The following SLC7A1 variants were observed in gnomAD, a reference collection of about 807,000 sequenced individuals.
SLC7A1 encodes the protein high affinity cationic amino acid transporter 1.
A neutral mutation model predicts 53.9 loss-of-function variants in SLC7A1; 10 were observed. The ratio of observed to expected loss-of-function variants is 0.19; its 90% CI spans 0.11 to 0.31. The LOEUF is 0.31. Ranked by LOEUF, SLC7A1 falls within the 10% of genes least tolerant of loss-of-function variation. The probability of loss-of-function intolerance (pLI) is 1.00; values close to 1 mark genes in which losing one functional copy is unlikely to be tolerated. For synonymous variants in SLC7A1, 342 were observed against 338.7 expected (o/e 1.01, Z -0.11); for missense variants, 525 against 827.2 (o/e 0.63, Z 4.48).
At chr13:29,551,557 G>A (rs781294155) in intron 2 of SLC7A1, among the ~76,000 whole-genome samples, 17 of 152,140 alleles carry the variant, frequency 1.1e-4, no homozygotes, top group African/African-American at 2.2e-4. Flanking sequence ...CCCAAGAAGC[G>A]GAAGACTCTG....
rs1872281217 is a variant in SLC7A1, at chr13:29,595,579, G to A, written c.-278C>T. The A allele has an allele frequency of 6.7e-6, 1 of 149,806 alleles. No homozygotes were observed. The highest frequency in any genetic ancestry group is 2.5e-5 in the African/African-American group (1 of 40,664). The allele number at this position is 149,806 out of a possible 1,614,324, so 9.3% of individuals were successfully genotyped here. On this transcript the variant is annotated 5_prime_UTR_variant, in exon 1 of 13. Coordinates refer to ENST00000380752, the MANE Select transcript of SLC7A1 (RefSeq NM_003045.5). ...GAGGCTGCGGTTAGCGGGAGCCCGCGGCCGCGTGCGCGCCTGCCAGGTAGT... is the reference window on the plus strand; with the variant it reads ...GAGGCTGCGGTTAGCGGGAGCCCGCAGCCGCGTGCGCGCCTGCCAGGTAGT...
At position 29,512,714 on chromosome 13, in the gene SLC7A1, T is replaced by C. The variant is rs1883428946; in HGVS notation, c.*1766A>G. ...TGGAAATCGGAGCTCTGGGCTCTTA[T>C]GATGCTCCCTCTGGAACATTCAAAA... On this transcript the variant is annotated 3_prime_UTR_variant, in exon 13 of 13. Transcript: ENST00000380752. The C allele has an allele frequency of 6.6e-6, 1 of 152,238 alleles. No homozygotes were observed. Among genetic ancestry groups the C allele is most frequent in the South Asian group, 2.1e-4 (1 of 4,830 alleles). 9.4% of individuals were successfully genotyped at this position (152,238 alleles called of 1,614,324 possible).
chr13:29,551,301 G>C (rs183469584), intron 2 of SLC7A1, among the ~76,000 whole-genome samples: 1 of 152,330 alleles, frequency 6.6e-6, no homozygotes, highest in East Asian at 1.9e-4. Flanking sequence ...GCAGGGAACA[G>C]AACAGAAGAG....
intron 1 of SLC7A1, among the ~76,000 whole-genome samples, chr13:29,579,266 T>C (rs1297879616): frequency 6.6e-6 from 1 of 152,010 alleles, no homozygotes; most frequent in Non-Finnish European, 1.5e-5. Flanking sequence ...CATTCCAAAC[T>C]CCACCTGAGG....
chr13:29,530,461 C>T, intron 5 of SLC7A1, 77 bp downstream of exon 5: 2 of 1,314,748 alleles, frequency 1.5e-6, no homozygotes, highest in Non-Finnish European at 2.2e-6. Flanking sequence ...CACATGCCAT[C>T]CTAGCCAGTT....
At chr13:29,550,669 GAC>G (rs1420334293) in intron 2 of SLC7A1, among the ~76,000 whole-genome samples, 1 of 152,168 alleles carries the variant, frequency 6.6e-6, no homozygotes, top group Non-Finnish European at 1.5e-5. Flanking sequence ...TGTGGAAGAG[GAC>G]ACTTCTCCAG....
intron 1 of SLC7A1, among the ~76,000 whole-genome samples, chr13:29,579,769 G>A (rs570147072): frequency 2.0e-5 from 3 of 152,180 alleles, no homozygotes; most frequent in South Asian, 2.1e-4. Context: ...CCTCTGATGG[G>A]GCACAAACCT....
At chr13:29,566,115 G>A (rs928815247) in intron 1 of SLC7A1, among the ~76,000 whole-genome samples, 7 of 152,210 alleles carry the variant, frequency 4.6e-5, no homozygotes, top group Admixed American at 2.0e-4. Context: ...TGTAGTTAAT[G>A]TGATTGAACT....
At chr13:29,520,722 TC>T (rs1380173838) in intron 8 of SLC7A1, among the ~76,000 whole-genome samples, 1 of 152,146 alleles carries the variant, frequency 6.6e-6, no homozygotes, top group Non-Finnish European at 1.5e-5. Context: ...CTCAAGCCCC[TC>T]TAGATCACTG....
At chr13:29,572,037 A>G (rs1871216698) in intron 1 of SLC7A1, among the ~76,000 whole-genome samples, 1 of 152,254 alleles carries the variant, frequency 6.6e-6, no homozygotes, top group Non-Finnish European at 1.5e-5. Flanking sequence ...TCAAAGTGAA[A>G]TGTCACAAGG....
At chr13:29,592,672 A>G (rs759891726) in intron 1 of SLC7A1, among the ~76,000 whole-genome samples, 28 of 152,208 alleles carry the variant, frequency 1.8e-4, no homozygotes, top group Non-Finnish European at 3.5e-4. Flanking sequence ...CAAAACAGAA[A>G]GGGAGGCCAC....
At chr13:29,516,096 G>C in intron 12 of SLC7A1, 42 bp downstream of exon 12, 1 of 1,272,752 alleles carries the variant, frequency 7.9e-7, no homozygotes. Flanking sequence ...GACCCCCAGG[G>C]GAAGCCAGGA....
intron 2 of SLC7A1, among the ~76,000 whole-genome samples, chr13:29,547,586 T>C (rs1869977638): frequency 6.6e-6 from 1 of 152,262 alleles, no homozygotes; most frequent in Non-Finnish European, 1.5e-5. Context: ...CATTTGTCTC[T>C]AGACAGAAGA....
At chr13:29,527,410 CA>C (rs1370799886) in intron 5 of SLC7A1, among the ~76,000 whole-genome samples, 1 of 152,138 alleles carries the variant, frequency 6.6e-6, no homozygotes, top group African/African-American at 2.4e-5. Flanking sequence ...GGCAGAGTAT[CA>C]ACACAAAATA....
Position 29,532,918 on chromosome 13 carries a change from C to T in SLC7A1, c.435G>A (p.Gly145=). 6.2e-7 allele frequency: 1 copy of T among 1,614,162 alleles called. No homozygotes were observed. The highest frequency in any genetic ancestry group is 1.3e-5 in the African/African-American group (1 of 75,058). The change falls in exon 4 of 13, where the codon GGG becomes GGA. Residue 145 remains glycine (G), a synonymous_variant. Transcript: ENST00000380752. ...GAGTCATGTGTGTCCGTGAGAACTC[C>T]CCGATGGGTCTGCCTATCAGCTCGT... ...TFDELIGRPI[G]EFSRTHMTLN... is the part of the protein sequence containing the mutation.
chr13:29,588,959 C>T (rs1328251522), intron 1 of SLC7A1, among the ~76,000 whole-genome samples: 1 of 152,208 alleles, frequency 6.6e-6, no homozygotes, highest in African/African-American at 2.4e-5. Flanking sequence ...AAACTGCACC[C>T]TAACGCCCCC....
At chr13:29,573,009 C>A (rs1007671024) in intron 1 of SLC7A1, among the ~76,000 whole-genome samples, 4 of 152,120 alleles carry the variant, frequency 2.6e-5, no homozygotes, top group Admixed American at 2.0e-4. Flanking sequence ...ATACAAGAAA[C>A]CTTTCTTGAA....
In SLC7A1 at chr13:29,522,427, C is replaced by T; in HGVS notation, c.1079G>A (p.Arg360Gln). The T allele has an allele frequency of 6.2e-7, 1 of 1,614,126 alleles. No individual in the cohort carries two copies. Among genetic ancestry groups the T allele is most frequent in the Non-Finnish European group, 8.5e-7 (1 of 1,180,002 alleles). Reference sequence around the variant, plus strand: ...ATCCTCAGCCATGGCATAGATAACCCGAGGCATGGGAAACATGGAACCTAG... The same window carrying T: ...ATCCTCAGCCATGGCATAGATAACCTGAGGCATGGGAAACATGGAACCTAG... Reference protein sequence around the residue: ...SLLGSMFPMPRVIYAMAEDGL... With the variant: ...SLLGSMFPMPQVIYAMAEDGL... The change falls in exon 8 of 13, where the codon CGG becomes CAG. Residue 360 changes from arginine to glutamine, a missense_variant. Transcript: ENST00000380752.
intron 2 of SLC7A1, among the ~76,000 whole-genome samples, chr13:29,540,820 T>C (rs1263976935): frequency 6.6e-6 from 1 of 152,242 alleles, no homozygotes; most frequent in Non-Finnish European, 1.5e-5. Context: ...GGAGAAAGAC[T>C]GTGGTCTACG....
Sources: gnomAD v4.1 joint callset for allele counts (sites outside exome capture counted in the v4.1 genomes callset) on GRCh38, gnomAD v4.1.1 for gene constraint, MANE v1.5 for transcripts, NCBI Gene and HGNC (gene_info 2026-07-23, HGNC 2026-07-21) for gene names.